The following C2CD4D variants were observed in gnomAD, a reference collection of about 807,000 sequenced individuals.
C2CD4D encodes the protein C2 calcium dependent domain containing 4D.
In C2CD4D, 1 loss-of-function variant was observed where a neutral mutation model predicts 0.2. The observed-to-expected ratio is 4.00, with a 90% CI of 1.42 to 18.99. C2CD4D has a LOEUF of 18.99. C2CD4D is among the 30% of genes most tolerant of loss of function. The probability of loss-of-function intolerance (pLI) is 0.11; values close to 1 mark genes in which losing one functional copy is unlikely to be tolerated. For missense variants in C2CD4D, 552 were observed against 551.2 expected (o/e 1.00, Z -0.01); for synonymous variants, 269 against 279.8 (o/e 0.96, Z 0.39).
chr1:151,838,511 C>T, exon 2 of C2CD4D: 1 of 1,359,520 alleles, frequency 7.4e-7, no homozygotes, highest in Non-Finnish European at 9.4e-7. Flanking sequence ...CACCCGGCGC[C>T]GGCCCAGGCC....
At chr1:151,838,254 G>C in exon 2 of C2CD4D, 4 of 1,328,566 alleles carry the variant, frequency 3.0e-6, no homozygotes, top group Non-Finnish European at 3.8e-6. Flanking sequence ...GACCGCGGCC[G>C]GGGCAGGCCC....
exon 2 of C2CD4D, chr1:151,838,237 G>C: frequency 7.3e-7 from 1 of 1,378,586 alleles, no homozygotes. Context: ...CGCCGCTCCC[G>C]GGGCGGGACC....
chr1:151,838,660 C>T, exon 2 of C2CD4D: 1 of 1,363,074 alleles, frequency 7.3e-7, no homozygotes, highest in South Asian at 1.8e-5. Flanking sequence ...GGGCAGGTGG[C>T]GGCCCGTGGA....
At chr1:151,839,007 G>T in exon 2 of C2CD4D, 1 of 1,548,372 alleles carries the variant, frequency 6.5e-7, no homozygotes, top group South Asian at 1.2e-5. Flanking sequence ...GTGGGGTAAT[G>T]GAATTCCGAA....
intron 1 of C2CD4D, 141 bp from the exon 2 acceptor site, chr1:151,839,361 C>G (rs1282818843): frequency 7.7e-6 from 2 of 258,858 alleles, no homozygotes; most frequent in African/African-American, 4.5e-5. Context: ...TAGTATCCAC[C>G]AGAACCCTAG....
In C2CD4D at chr1:151,838,728, G is replaced by C. The variant is rs994721869; in HGVS notation, c.262C>G (p.Arg88Gly). The C allele has an allele frequency of 4.5e-6, 6 of 1,338,126 alleles. No homozygotes were observed. The South Asian group carries it at 5.8e-5, about 13-fold the overall frequency. 82.9% of individuals were successfully genotyped at this position (1,338,126 alleles called of 1,614,324 possible). A position where few individuals can be genotyped will look rare whatever the true frequency, so the allele number is the denominator to read the frequency against. Residue 88 changes from arginine to glycine, a missense_variant, in exon 2 of 2, where the codon CGC (arginine) becomes GGC (glycine). By Grantham distance (125) the Arg-to-Gly change is moderately radical. Coordinates refer to ENST00000454109, the Ensembl canonical transcript of C2CD4D. ...TCGGGCAGGAAGGCCCAGCCTTCGC[G>C]GCCCGCCAGGTGAGGCAGCGAGCAG...
chr1:151,839,315 A>C, intron 1 of C2CD4D, 95 bp from the exon 2 acceptor site: 1 of 393,420 alleles, frequency 2.5e-6, no homozygotes, highest in South Asian at 3.1e-5. Flanking sequence ...CTGGTACTAA[A>C]GATGCCCCAT....
At chr1:151,839,590 A>C (rs534993044) in intron 1 of C2CD4D, among the ~76,000 whole-genome samples, 74 bp downstream of exon 1, 19 of 152,014 alleles carry the variant, frequency 1.2e-4, no homozygotes, top group Non-Finnish European at 2.5e-4. Flanking sequence ...GCCATCCCTC[A>C]GTCCTAGCCC....
rs1164168956 is a variant in C2CD4D at position 151,838,727 on chromosome 1, C to G, written c.263G>C (p.Arg88Pro). The change falls in exon 2 of 2, where the codon CGC becomes CCC. Residue 88 changes from arginine to proline, a missense_variant. Coordinates refer to ENST00000454109, the Ensembl canonical transcript of C2CD4D. ...CTCGGGCAGGAAGGCCCAGCCTTCGCGGCCCGCCAGGTGAGGCAGCGAGCA... is the reference window on the plus strand; with the variant it reads ...CTCGGGCAGGAAGGCCCAGCCTTCGGGGCCCGCCAGGTGAGGCAGCGAGCA... The G allele has an allele frequency of 1.5e-6, 2 of 1,339,664 alleles. No homozygotes were observed. The highest frequency in any genetic ancestry group is 1.9e-6 in the Non-Finnish European group (2 of 1,049,122). The allele number at this position is 1,339,664 out of a possible 1,614,324, so 83.0% of individuals were successfully genotyped here.
exon 2 of C2CD4D, chr1:151,838,810 C>T (rs1242263027): frequency 4.2e-6 from 6 of 1,412,376 alleles, no homozygotes; most frequent in Admixed American, 3.5e-5. Context: ...CTGCGCCGCC[C>T]GGGTCCGGGA....
At chr1:151,839,330 CTTACAG>C in intron 1 of C2CD4D, 110 bp from the exon 2 acceptor site, 2 of 365,030 alleles carry the variant, frequency 5.5e-6, no homozygotes, top group South Asian at 3.4e-5. Context: ...CCCCATTCAC[CTTACAG>C]TTAGAGGGCC....
chr1:151,838,481 G>T (rs935977199), exon 2 of C2CD4D: 1 of 1,396,974 alleles, frequency 7.2e-7, no homozygotes, highest in Non-Finnish European at 9.3e-7. Context: ...TTTTTCTGGG[G>T]ACAGAGAGTG....
exon 1 of C2CD4D, chr1:151,840,550 AT>A (rs1318190472): frequency 2.0e-5 from 3 of 152,248 alleles, no homozygotes; most frequent in Non-Finnish European, 4.4e-5. Context: ...AGTTGTCTGC[AT>A]TATTCTGGCT....
chr1:151,837,927 G>C, exon 2 of C2CD4D: 2 of 1,525,082 alleles, frequency 1.3e-6, no homozygotes, highest in Non-Finnish European at 1.8e-6. Context: ...AGGGGCTCAG[G>C]CTACAGGCTG....
exon 2 of C2CD4D, chr1:151,839,046 C>G: frequency 2.0e-6 from 3 of 1,531,430 alleles, no homozygotes; most frequent in Non-Finnish European, 2.6e-6. Context: ...GTCCAAATCC[C>G]GTCTCAGATG....
exon 2 of C2CD4D, chr1:151,839,219 G>C (rs1047621496): frequency 1.3e-5 from 7 of 545,934 alleles, no homozygotes; most frequent in African/African-American, 1.0e-4. Context: ...CAGTCTGGGG[G>C]GCTGGGGAGA....
chr1:151,839,077 G>T, exon 2 of C2CD4D: 2 of 1,445,316 alleles, frequency 1.4e-6, no homozygotes, highest in Non-Finnish European at 1.9e-6. Context: ...GCGGAGCGGG[G>T]CTGGGCGAGG....
At chr1:151,837,966 G>T (rs1558175518) in exon 2 of C2CD4D, 2 of 1,548,258 alleles carry the variant, frequency 1.3e-6, no homozygotes, top group South Asian at 2.4e-5. Context: ...GATGACCCGG[G>T]ACCTAGTCCC....
rs1373954224 is a variant in C2CD4D at position 151,839,837 on chromosome 1, C to T, written c.-232+366G>A. Among the ~76,000 whole-genome samples, 1 of 152,210 alleles carries T rather than the reference C, an allele frequency of 6.6e-6. No homozygotes were observed. Among genetic ancestry groups the T allele is most frequent in the Non-Finnish European group, 1.5e-5 (1 of 68,032 alleles). On this transcript the variant is annotated intron_variant, in intron 1 of 1. Transcript: ENST00000454109. ...CCCGCGTCTGCAGGGCGGGGCCGGGCCGTTGGGTCGCCCCTCCTACTCTCC... is the reference window on the plus strand; with the variant it reads ...CCCGCGTCTGCAGGGCGGGGCCGGGTCGTTGGGTCGCCCCTCCTACTCTCC...
Sources: allele counts gnomAD v4.1 joint callset (sites outside exome capture counted in the v4.1 genomes callset), GRCh38; gene constraint gnomAD v4.1.1; transcripts MANE v1.5; gene names NCBI Gene and HGNC (gene_info 2026-07-23, HGNC 2026-07-21).